Variants in FRMPD4 observed in about 807,000 individuals in gnomAD.
FRMPD4 encodes the protein FERM and PDZ domain containing 4.
A neutral mutation model predicts 94.1 loss-of-function variants in FRMPD4; 22 were observed. That is an observed-to-expected ratio of 0.23 (90% confidence interval 0.17 to 0.33). FRMPD4 has a LOEUF of 0.33. Ranked by LOEUF, FRMPD4 falls within the 10% of genes least tolerant of loss-of-function variation. The pLI is 1.00. For missense variants in FRMPD4, 1,111 were observed against 1,339.9 expected (o/e 0.83, Z 2.67); for synonymous variants, 631 against 548.6 (o/e 1.15, Z -2.10).
chrX:11,879,210 A>G (rs781463896), intron 3 of FRMPD4, among the ~76,000 whole-genome samples: 2 of 112,172 alleles, frequency 1.8e-5, no homozygotes, highest in Non-Finnish European at 1.9e-5. Context: ...GGCTTGCAAC[A>G]TAATTTCACT....
intron 3 of FRMPD4, among the ~76,000 whole-genome samples, chrX:12,033,196 G>T (rs1157932366): frequency 9.0e-6 from 1 of 111,403 alleles, no homozygotes; most frequent in Non-Finnish European, 1.9e-5. Context: ...ATTGAAGAAA[G>T]TGTATTATGG....
At chrX:12,446,713 G>A (rs926549065) in intron 1 of FRMPD4, among the ~76,000 whole-genome samples, 4 of 111,840 alleles carry the variant, frequency 3.6e-5, no homozygotes, top group Non-Finnish European at 5.6e-5. Context: ...CCACCATGAT[G>A]GTGAGGCTTC....
chrX:12,421,930 C>T (rs2056889207), intron 1 of FRMPD4, among the ~76,000 whole-genome samples: 1 of 110,852 alleles, frequency 9.0e-6, no homozygotes, highest in Admixed American at 9.6e-5. Flanking sequence ...TATGTTCTTC[C>T]CTCTTGCCCT....
At chrX:12,004,018 T>G (rs1418326458) in intron 3 of FRMPD4, among the ~76,000 whole-genome samples, 5 of 111,576 alleles carry the variant, frequency 4.5e-5, no homozygotes, top group Non-Finnish European at 9.4e-5. Flanking sequence ...TTTCTCCCTC[T>G]TCTTCCCCCT....
Position 12,498,662 on chromosome X carries a change from T to G in FRMPD4, c.42-18T>G, listed in dbSNP as rs746914824. 8.3e-6 allele frequency: 8 copies of G among 959,648 alleles called. No individual in the cohort carries two copies. In the African/African-American group the frequency reaches 1.4e-4, roughly 16 times the overall value. 79.1% of individuals were successfully genotyped at this position (959,648 alleles called of 1,213,427 possible). A position where few individuals can be genotyped will look rare whatever the true frequency, so the allele number is the denominator to read the frequency against. The stretch of plus-strand genomic sequence containing the variant: ...CAGGAGTCAGGTGTAATGATGCTTT[T>G]TTTTTTTTCTTTTCCAGCCACAGGA... On this transcript the variant is annotated intron_variant, in intron 1 of 16. Coordinates refer to ENST00000675598, the MANE Select transcript of FRMPD4 (RefSeq NM_001368397.1).
At chrX:12,042,172 A>G (rs1471790783) in intron 3 of FRMPD4, among the ~76,000 whole-genome samples, 1 of 109,182 alleles carries the variant, frequency 9.2e-6, no homozygotes, top group Non-Finnish European at 1.9e-5. Context: ...TTTGTCTGCT[A>G]ACTCCAACAT....
intron 1 of FRMPD4, among the ~76,000 whole-genome samples, chrX:12,382,919 A>T (rs1036548984): frequency 8.9e-6 from 1 of 112,172 alleles, no homozygotes; most frequent in Non-Finnish European, 1.9e-5. Context: ...CTGTAAACAT[A>T]ATAGGGACTC....
At position 12,226,207 on chromosome X, in the gene FRMPD4, C is replaced by T. The variant is rs184548177; in HGVS notation, c.41+87195C>T. On this transcript the variant is annotated intron_variant, in intron 1 of 16. Coordinates refer to ENST00000675598, the MANE Select transcript of FRMPD4 (RefSeq NM_001368397.1). ...GCAGCCTTGACCTCCTGGGCTCAAG[C>T]GATCCTCCTACCTCAGCCTCCCAAG... Among the ~76,000 whole-genome samples the T allele has an allele frequency of 3.1e-3, 349 of 111,509 alleles. 4 individuals are homozygous for T. The highest frequency in any genetic ancestry group is 2.5e-3 in the Non-Finnish European group (131 of 53,098).
At chrX:12,349,678 G>A (rs1240138107) in intron 1 of FRMPD4, among the ~76,000 whole-genome samples, 2 of 111,649 alleles carry the variant, frequency 1.8e-5, no homozygotes, top group African/African-American at 6.5e-5. Flanking sequence ...TTCAATCAAA[G>A]GTCTAACCAA....
upstream of FRMPD4, among the ~76,000 whole-genome samples, chrX:12,137,484 T>C (rs1486136871): frequency 8.9e-6 from 1 of 112,110 alleles, no homozygotes; most frequent in African/African-American, 3.3e-5. Context: ...GTGCTCTCTG[T>C]TCTTTGCGGT....
chrX:11,916,369 A>G (rs920828624), intron 3 of FRMPD4, among the ~76,000 whole-genome samples: 1 of 111,287 alleles, frequency 9.0e-6, no homozygotes, highest in Non-Finnish European at 1.9e-5. Flanking sequence ...ACATGACCAT[A>G]TCAAAGATAA....
chrX:11,913,098 A>T (rs538906710), intron 3 of FRMPD4, among the ~76,000 whole-genome samples: 2 of 112,391 alleles, frequency 1.8e-5, no homozygotes, highest in East Asian at 5.5e-4. Context: ...GAAGCTGTCT[A>T]CTTTGTCTAG....
intron 3 of FRMPD4, among the ~76,000 whole-genome samples, chrX:12,057,309 T>C (rs1201130759): frequency 9.0e-6 from 1 of 111,708 alleles, no homozygotes; most frequent in Non-Finnish European, 1.9e-5. Context: ...GCTATTTAAA[T>C]ATTTAGATCA....
At chrX:12,683,067 T>A (rs191811933) in intron 5 of FRMPD4, among the ~76,000 whole-genome samples, 1 of 112,026 alleles carries the variant, frequency 8.9e-6, no homozygotes, top group Admixed American at 9.5e-5. Flanking sequence ...ATTTTAGGAC[T>A]ATCAATGGCT....
At chrX:12,661,386 G>A (rs975013312) in intron 4 of FRMPD4, among the ~76,000 whole-genome samples, 3 of 111,831 alleles carry the variant, frequency 2.7e-5, no homozygotes, top group African/African-American at 6.5e-5. Context: ...GCAGTGTAAC[G>A]TCTCACTCAA....
At chrX:12,314,990 G>T (rs1031470382) in intron 1 of FRMPD4, among the ~76,000 whole-genome samples, 9 of 112,124 alleles carry the variant, frequency 8.0e-5, no homozygotes, top group Non-Finnish European at 1.5e-4. Context: ...CTTAAAGAAA[G>T]AAAAAAATGC....
chrX:12,705,648 G>A (rs1036013595), intron 11 of FRMPD4, among the ~76,000 whole-genome samples: 2 of 110,753 alleles, frequency 1.8e-5, no homozygotes, highest in Admixed American at 9.7e-5. Context: ...CAGAGATGTA[G>A]CAAGATGATG....
intron 1 of FRMPD4, among the ~76,000 whole-genome samples, chrX:12,353,024 C>A (rs892767652): frequency 4.5e-5 from 5 of 111,758 alleles, no homozygotes; most frequent in African/African-American, 1.6e-4. Context: ...AATATTCTGA[C>A]CAGACTGAGA....
At chrX:12,543,039 G>A (rs1196375317) in intron 2 of FRMPD4, among the ~76,000 whole-genome samples, 10 of 111,780 alleles carry the variant, frequency 8.9e-5, no homozygotes, top group African/African-American at 3.3e-4. Context: ...TAGCCATATG[G>A]AGAAAGCTGA....
Sources: allele counts gnomAD v4.1 joint callset (sites outside exome capture counted in the v4.1 genomes callset), GRCh38; gene constraint gnomAD v4.1.1; transcripts MANE v1.5; gene names NCBI Gene and HGNC (gene_info 2026-07-23, HGNC 2026-07-21).